Variants in FAM3C observed in about 807,000 individuals in gnomAD.
FAM3C encodes FAM3 metabolism regulating signaling molecule C.
A neutral mutation model predicts 32.5 loss-of-function variants in FAM3C; 15 were observed. The observed-to-expected ratio is 0.46, with a 90% CI of 0.31 to 0.71. The LOEUF (loss-of-function observed/expected upper bound fraction) is 0.71, where lower values mean the gene tolerates loss of function less well. FAM3C is among the 30% of genes least tolerant of loss of function. The pLI, the probability that FAM3C is intolerant of heterozygous loss-of-function variation, is 0.05. For synonymous variants in FAM3C, 75 were observed against 86.1 expected, an observed-to-expected ratio of 0.87 and a Z score of 0.72; for missense variants, 175 against 274.4, an observed-to-expected ratio of 0.64 and a Z score of 2.56.
chr7:121,349,986 T>C lies in FAM3C; in HGVS notation c.*475A>G, dbSNP rs1562880904. 1 of 149,860 alleles carries C rather than the reference T, an allele frequency of 6.7e-6. No individual in the cohort carries two copies. The highest frequency in any genetic ancestry group is 1.4e-5 in the Non-Finnish European group (1 of 69,782). 9.3% of individuals were successfully genotyped at this position (149,860 alleles called of 1,614,324 possible). A position where few individuals can be genotyped will look rare whatever the true frequency, so the allele number is the denominator to read the frequency against. ...GAGGTACATCAGGAGAGTCGGACTGTAAAGTAACATTACACACACAACTAG... is the reference window on the plus strand; with the variant it reads ...GAGGTACATCAGGAGAGTCGGACTGCAAAGTAACATTACACACACAACTAG... On this transcript the variant is annotated 3_prime_UTR_variant, in exon 10 of 10. Transcript: ENST00000359943.
chr7:121,351,146 T>C lies in FAM3C; in HGVS notation c.591A>G (p.Glu197=). 2 of 1,613,216 alleles carry C rather than the reference T, an allele frequency of 1.2e-6. No homozygotes were observed. The highest frequency in any genetic ancestry group is 1.1e-5 in the South Asian group (1 of 91,026). The change falls in exon 9 of 10, where the codon GAA becomes GAG. Residue 197 remains glutamate (E), a synonymous_variant. Transcript: ENST00000359943. ...TCTGAGAGTCTATGACACTAACCTG[T>C]TCAAAAGGGCTTTTTGTCTTAATGC... ...GKGIKTKSPF[E]QHIKNNKDTN...
At chr7:121,358,231 T>G (rs192841997) in intron 8 of FAM3C, among the ~76,000 whole-genome samples, 7 of 152,242 alleles carry the variant, frequency 4.6e-5, no homozygotes, top group African/African-American at 1.7e-4. Context: ...ACTGTTTTCA[T>G]GTAAATCTGT....
chr7:121,365,055 G>A (rs950955179), intron 5 of FAM3C, among the ~76,000 whole-genome samples: 2 of 152,068 alleles, frequency 1.3e-5, no homozygotes, highest in Non-Finnish European at 2.9e-5. Flanking sequence ...TATATAGACA[G>A]AATTATATAT....
intron 1 of FAM3C, among the ~76,000 whole-genome samples, chr7:121,390,193 T>C (rs568579281): frequency 6.6e-6 from 1 of 152,340 alleles, no homozygotes; most frequent in East Asian, 1.9e-4. Context: ...TAATACCCTA[T>C]TTATTTTAAC....
intron 7 of FAM3C, among the ~76,000 whole-genome samples, chr7:121,360,589 T>A (rs1247560530): frequency 2.6e-5 from 4 of 152,130 alleles, no homozygotes; most frequent in African/African-American, 9.7e-5. Context: ...TCCCAGCACC[T>A]TGGGAGGTCA....
chr7:121,376,254 A>G (rs1794236412), intron 3 of FAM3C, among the ~76,000 whole-genome samples: 2 of 152,198 alleles, frequency 1.3e-5, no homozygotes, highest in Admixed American at 1.3e-4. Context: ...CAAGTTTAGG[A>G]GGAAAATAAC....
intron 5 of FAM3C, chr7:121,364,562 C>T (rs148029789): frequency 3.0e-4 from 48 of 161,000 alleles, no homozygotes; most frequent in Middle Eastern, 3.0e-3. Context: ...TCAATACCAG[C>T]GTGACATGAA....
At chr7:121,372,567 G>C (rs1307537106) in intron 3 of FAM3C, among the ~76,000 whole-genome samples, 1 of 152,190 alleles carries the variant, frequency 6.6e-6, no homozygotes, top group Non-Finnish European at 1.5e-5. Context: ...ATCTATCTTA[G>C]TGGTGAGGTT....
chr7:121,389,583 G>C (rs1306281549), intron 1 of FAM3C, among the ~76,000 whole-genome samples: 1 of 152,052 alleles, frequency 6.6e-6, no homozygotes, highest in Non-Finnish European at 1.5e-5. Context: ...TGCCACTACA[G>C]CATTTCTGAG....
At chr7:121,379,564 T>C (rs980481925) in intron 2 of FAM3C, among the ~76,000 whole-genome samples, 2 of 152,106 alleles carry the variant, frequency 1.3e-5, no homozygotes, top group African/African-American at 4.8e-5. Context: ...TCTTCATACT[T>C]AATACCTTAG....
intron 2 of FAM3C, among the ~76,000 whole-genome samples, chr7:121,382,447 A>G (rs529759466): frequency 6.6e-5 from 10 of 152,158 alleles, no homozygotes; most frequent in African/African-American, 1.9e-4. Context: ...TTAAAACTTT[A>G]TAACTCATTT....
intron 8 of FAM3C, among the ~76,000 whole-genome samples, chr7:121,356,873 A>G (rs569651495): frequency 2.0e-5 from 3 of 152,314 alleles, no homozygotes; most frequent in East Asian, 3.9e-4. Context: ...GTATCATTAG[A>G]TAACTGTACT....
intron 2 of FAM3C, 95 bp downstream of exon 2, chr7:121,382,862 T>G: frequency 1.1e-6 from 1 of 925,202 alleles, no homozygotes; most frequent in Non-Finnish European, 1.7e-6. Context: ...TTTAACCTTC[T>G]CAATATAAAG....
At chr7:121,359,980 G>T in intron 8 of FAM3C, 63 bp downstream of exon 8, 4 of 873,216 alleles carry the variant, frequency 4.6e-6, no homozygotes, top group Non-Finnish European at 3.8e-6. Flanking sequence ...TTTTTTTAAT[G>T]AAAATGTATT....
intron 1 of FAM3C, among the ~76,000 whole-genome samples, chr7:121,385,886 G>C (rs1006068690): frequency 6.6e-6 from 1 of 152,074 alleles, no homozygotes. Context: ...CTAGTTGCTG[G>C]GGGCATTAAA....
intron 5 of FAM3C, among the ~76,000 whole-genome samples, chr7:121,367,839 G>A (rs191725639): frequency 3.3e-5 from 5 of 152,080 alleles, no homozygotes; most frequent in South Asian, 2.1e-4. Context: ...GGTGGTATGC[G>A]CCTGTAGTCC....
At chr7:121,387,509 C>A (rs1584709200) in intron 1 of FAM3C, among the ~76,000 whole-genome samples, 1 of 152,046 alleles carries the variant, frequency 6.6e-6, no homozygotes. Context: ...TCATAATCTG[C>A]TCTCCACAGA....
At chr7:121,374,231 T>G (rs146722314) in intron 3 of FAM3C, among the ~76,000 whole-genome samples, 17 of 152,224 alleles carry the variant, frequency 1.1e-4, no homozygotes, top group African/African-American at 4.1e-4. Context: ...GAGTAAACAG[T>G]ATGCACCATC....
intron 8 of FAM3C, among the ~76,000 whole-genome samples, chr7:121,354,466 A>G (rs1413792627): frequency 6.6e-6 from 1 of 152,214 alleles, no homozygotes; most frequent in African/African-American, 2.4e-5. Context: ...TAAACTAGAA[A>G]GGGAGGAAGT....
Sources: allele counts gnomAD v4.1 joint callset (sites outside exome capture counted in the v4.1 genomes callset), GRCh38; gene constraint gnomAD v4.1.1; transcripts MANE v1.5; gene names NCBI Gene and HGNC (gene_info 2026-07-23, HGNC 2026-07-21).